ANKRD33B: variants seen among roughly 807,000 people sequenced by gnomAD.
ANKRD33B encodes ankyrin repeat domain 33B.
A neutral mutation model predicts 21.5 loss-of-function variants in ANKRD33B; 6 were observed. The observed-to-expected ratio is 0.28, with a 90% CI of 0.15 to 0.55. ANKRD33B has a LOEUF of 0.55. Ranked by LOEUF, ANKRD33B falls within the 20% of genes least tolerant of loss-of-function variation. The pLI, the probability that ANKRD33B is intolerant of heterozygous loss-of-function variation, is 0.94. For missense variants in ANKRD33B, 698 were observed against 747.2 expected, an observed-to-expected ratio of 0.93 and a Z score of 0.77; for synonymous variants, 347 against 342.4, an observed-to-expected ratio of 1.01 and a Z score of -0.15.
rs147009537 is a variant in ANKRD33B at position 10,573,234 on chromosome 5, C to T, written c.366+8401C>T. On this transcript the variant is annotated intron_variant, in intron 1 of 3. Transcript: ENST00000296657. ...CTGTAATCCCAGCACTTTGGGAGGC[C>T]GAGGTGGGCAGATAACGAGGTCAGG... is the stretch of plus-strand genomic sequence containing the variant. Among the ~76,000 whole-genome samples the T allele has an allele frequency of 3.1e-3, 471 of 151,968 alleles. 3 individuals carry two copies. The highest frequency in any genetic ancestry group is 0.011 in the African/African-American group (446 of 41,326).
chr5:10,598,414 G>A (rs531159107), intron 1 of ANKRD33B, among the ~76,000 whole-genome samples: 116 of 152,126 alleles, frequency 7.6e-4, no homozygotes, highest in Non-Finnish European at 1.2e-3. Flanking sequence ...TTACAGGCAT[G>A]CACCACCATG....
At chr5:10,630,573 A>G (rs923379085) in intron 2 of ANKRD33B, among the ~76,000 whole-genome samples, 4 of 152,240 alleles carry the variant, frequency 2.6e-5, no homozygotes, top group Non-Finnish European at 4.4e-5. Flanking sequence ...AGGCAGGTGA[A>G]TAAGAGAAGA....
intron 1 of ANKRD33B, among the ~76,000 whole-genome samples, chr5:10,604,277 C>T (rs1266950447): frequency 4.7e-5 from 7 of 148,424 alleles, no homozygotes; most frequent in South Asian, 2.1e-4. Flanking sequence ...CTGCAACCTC[C>T]GCTTCCTGGG....
intron 1 of ANKRD33B, among the ~76,000 whole-genome samples, chr5:10,591,035 T>C (rs1735673729): frequency 6.6e-6 from 1 of 152,104 alleles, no homozygotes; most frequent in South Asian, 2.1e-4. Flanking sequence ...TCCCTGTCAT[T>C]TGCCTTTTTA....
intron 1 of ANKRD33B, among the ~76,000 whole-genome samples, chr5:10,588,993 T>C (rs1735625138): frequency 6.6e-6 from 1 of 152,154 alleles, no homozygotes; most frequent in Non-Finnish European, 1.5e-5. Context: ...GACTAACATA[T>C]TTTGAGGCAG....
At chr5:10,572,524 C>A (rs1447286782) in intron 1 of ANKRD33B, among the ~76,000 whole-genome samples, 1 of 152,170 alleles carries the variant, frequency 6.6e-6, no homozygotes, top group Non-Finnish European at 1.5e-5. Flanking sequence ...CAGGGAGGTG[C>A]CATAGGTGCT....
chr5:10,620,899 G>A (rs531517715), intron 2 of ANKRD33B, among the ~76,000 whole-genome samples: 1 of 152,146 alleles, frequency 6.6e-6, no homozygotes, highest in Non-Finnish European at 1.5e-5. Flanking sequence ...TGAATATCCT[G>A]TTTCCCCACC....
chr5:10,568,474 G>A (rs189000476), intron 1 of ANKRD33B, among the ~76,000 whole-genome samples: 50 of 152,310 alleles, frequency 3.3e-4, no homozygotes, highest in Non-Finnish European at 5.4e-4. Context: ...ACTTAATTAG[G>A]CCCAAATACA....
At chr5:10,592,221 T>A (rs1289925606) in intron 1 of ANKRD33B, among the ~76,000 whole-genome samples, 1 of 152,084 alleles carries the variant, frequency 6.6e-6, no homozygotes, top group African/African-American at 2.4e-5. Flanking sequence ...ATCTGCTTTA[T>A]TTTCTTCTCA....
At position 10,576,757 on chromosome 5, in the gene ANKRD33B, GT is replaced by G. The variant is rs1222334100; in HGVS notation, c.366+11927del. Among the ~76,000 whole-genome samples the G allele has an allele frequency of 1.3e-5, 2 of 152,238 alleles. No individual in the cohort carries two copies. The highest frequency in any genetic ancestry group is 2.9e-5 in the Non-Finnish European group (2 of 68,048). On this transcript the variant is annotated intron_variant, in intron 1 of 3. Coordinates refer to ENST00000296657, the MANE Select transcript of ANKRD33B (RefSeq NM_001164440.2). The surrounding 1 kb of genome is among the most constrained non-coding windows in gnomAD (Gnocchi z 4.1). ...GGGGAAAAGTGGAAGCAAATTGAATGTTTAACCAAAAGAAGAGTAGTTAAGA... is the reference window on the plus strand; with the variant it reads ...GGGGAAAAGTGGAAGCAAATTGAATGTTAACCAAAAGAAGAGTAGTTAAGA...
Position 10,564,299 on chromosome 5 carries a change from CT to C in ANKRD33B, c.-163del. Reference sequence around the variant, plus strand: ...CAGGGGCTCGCTCAGCCTCCGGAGACTTTTTTCTTTGAGCGCAGCCGCCTGG... The same window carrying C: ...CAGGGGCTCGCTCAGCCTCCGGAGACTTTTTCTTTGAGCGCAGCCGCCTGG... On this transcript the variant is annotated 5_prime_UTR_variant, in exon 1 of 4. Coordinates refer to ENST00000296657, the MANE Select transcript of ANKRD33B (RefSeq NM_001164440.2). 2.9e-6 allele frequency: 1 copy of C among 339,348 alleles called. No individual in the cohort carries two copies. The highest frequency in any genetic ancestry group is 4.2e-6 in the Non-Finnish European group (1 of 236,872). The allele number at this position is 339,348 out of a possible 1,614,324, so 21.0% of individuals were successfully genotyped here.
chr5:10,625,651 GCT>G (rs1192423245), intron 2 of ANKRD33B, among the ~76,000 whole-genome samples: 1 of 152,198 alleles, frequency 6.6e-6, no homozygotes, highest in African/African-American at 2.4e-5. Flanking sequence ...GGTGGACCCG[GCT>G]CTTAGGCCAG....
At position 10,564,786 on chromosome 5, in the gene ANKRD33B, C is replaced by T. The variant is rs1735009022; in HGVS notation, c.319C>T (p.Arg107Cys). Residue 107 changes from arginine to cysteine, a missense_variant, in exon 1 of 4, where the codon CGC becomes TGC. Around this residue, in one of 3 missense-constraint regions of ANKRD33B, gnomAD observed 7 missense variants for 25.8 expected, o/e 0.27. Coordinates refer to ENST00000296657, the MANE Select transcript of ANKRD33B (RefSeq NM_001164440.2). ...NVGLLRTLVR[R>C]GVSVEEAQET... ...GGGGCTGCTGCGGACGCTGGTGCGG[C>T]GCGGGGTGAGCGTCGAGGAGGCGCA... is the stretch of plus-strand genomic sequence containing the variant. 6.6e-7 allele frequency: 1 copy of T among 1,523,848 alleles called. No homozygotes were observed. The highest frequency in any genetic ancestry group is 1.4e-5 in the African/African-American group (1 of 72,800). 94.4% of individuals were successfully genotyped at this position (1,523,848 alleles called of 1,614,324 possible). A position where few individuals can be genotyped will look rare whatever the true frequency, so the allele number is the denominator to read the frequency against.
At chr5:10,566,815 T>TA (rs1376637213) in intron 1 of ANKRD33B, among the ~76,000 whole-genome samples, 1 of 152,156 alleles carries the variant, frequency 6.6e-6, no homozygotes, top group Non-Finnish European at 1.5e-5. Context: ...AAAATAGGGA[T>TA]AAGGGCAGCC....
intron 3 of ANKRD33B, among the ~76,000 whole-genome samples, chr5:10,646,496 T>A (rs914764144): frequency 1.3e-5 from 2 of 152,234 alleles, no homozygotes; most frequent in African/African-American, 4.8e-5. Flanking sequence ...TTGTATTTTC[T>A]GAGATCATTT....
intron 1 of ANKRD33B, among the ~76,000 whole-genome samples, chr5:10,575,091 G>T (rs1735286687): frequency 2.0e-5 from 1 of 50,978 alleles, no homozygotes; most frequent in South Asian, 9.6e-4. Context: ...CTGTTTCCAA[G>T]AAACAAACAA....
In ANKRD33B at chr5:10,649,290, C is replaced by T. The variant is rs1376475042; in HGVS notation, c.662C>T (p.Pro221Leu). The part of the protein sequence containing the change: ...LAGADVHARD[P>L]RRGMSPQEWA... ...GGGGCGGATGTCCACGCGAGGGACC[C>T]CCGCCGTGGGATGTCGCCGCAGGAG... The change falls in exon 4 of 4, where the codon CCC (proline) becomes CTC (leucine). Residue 221 changes from proline (P) to leucine (L), a missense_variant. By Grantham distance (98) the Pro-to-Leu change is moderately conservative (BLOSUM62 -3). This residue lies in a region of ANKRD33B where 543 missense variants were observed against 566.5 expected (regional missense o/e 0.96). Coordinates refer to ENST00000296657, the MANE Select transcript of ANKRD33B (RefSeq NM_001164440.2). 4 of 1,527,316 alleles carry T rather than the reference C, an allele frequency of 2.6e-6. No individual in the cohort carries two copies. Among genetic ancestry groups the T allele is most frequent in the African/African-American group, 1.4e-5 (1 of 72,812 alleles). 94.6% of individuals were successfully genotyped at this position (1,527,316 alleles called of 1,614,324 possible).
At chr5:10,614,927 A>G (rs1736251029) in intron 1 of ANKRD33B, among the ~76,000 whole-genome samples, 1 of 152,052 alleles carries the variant, frequency 6.6e-6, no homozygotes, top group African/African-American at 2.4e-5. Flanking sequence ...TCTAAATGTT[A>G]TATCAGCCTT....
chr5:10,581,085 C>G (rs754740102), intron 1 of ANKRD33B, among the ~76,000 whole-genome samples: 6 of 152,176 alleles, frequency 3.9e-5, no homozygotes, highest in Non-Finnish European at 8.8e-5. Context: ...CAGGCTGCTT[C>G]TCTGCAGTGT....
Sources: allele counts gnomAD v4.1 joint callset (sites outside exome capture counted in the v4.1 genomes callset), GRCh38; gene constraint gnomAD v4.1.1; regional missense constraint gnomAD v4.1.1; non-coding constraint Gnocchi (gnomAD v3.1); transcripts MANE v1.5; gene names NCBI Gene and HGNC (gene_info 2026-07-23, HGNC 2026-07-21).